The following RAD23B variants were observed in gnomAD, a reference collection of about 807,000 sequenced individuals.
RAD23B encodes lysine-specific demethylase RAD23B.
A neutral mutation model predicts 49.1 loss-of-function variants in RAD23B; 5 were observed. The observed-to-expected ratio is 0.10, with a 90% CI of 0.05 to 0.21. The LOEUF is 0.21. Among genes scored for constraint, RAD23B ranks in the 10% least tolerant of loss-of-function variants. The pLI, the probability that RAD23B is intolerant of heterozygous loss-of-function variation, is 1.00. For synonymous variants in RAD23B, 184 were observed against 165.4 expected (o/e 1.11, Z -0.86); for missense variants, 356 against 486.7 (o/e 0.73, Z 2.53).
chr9:107,285,052 C>T (rs897554899), intron 1 of RAD23B: 2 of 934,526 alleles, frequency 2.1e-6, no homozygotes, highest in African/African-American at 1.8e-5. Context: ...AAGAAACAGC[C>T]TTTTTGGGAT....
At chr9:107,308,913 T>G (rs558154226) in intron 4 of RAD23B, among the ~76,000 whole-genome samples, 2 of 152,350 alleles carry the variant, frequency 1.3e-5, no homozygotes, top group East Asian at 3.9e-4. Flanking sequence ...GAAGTCTGTT[T>G]AGGACCACTG....
At chr9:107,306,051 C>CTATA (rs770269253) in intron 3 of RAD23B, among the ~76,000 whole-genome samples, 16 of 49,786 alleles carry the variant, frequency 3.2e-4, no homozygotes, top group Admixed American at 2.5e-3. Flanking sequence ...CGGTTTATAT[C>CTATA]TATATATATA....
intron 1 of RAD23B, among the ~76,000 whole-genome samples, chr9:107,298,773 C>T (rs1012453793): frequency 6.6e-6 from 1 of 151,656 alleles, no homozygotes; most frequent in African/African-American, 2.4e-5. Context: ...GCCAAAACAA[C>T]AGTAACACCA....
intron 9 of RAD23B, among the ~76,000 whole-genome samples, chr9:107,327,048 AATC>A (rs758079731): frequency 2.3e-4 from 35 of 152,160 alleles, no homozygotes; most frequent in Non-Finnish European, 4.3e-4. Context: ...ATTTCCTTAT[AATC>A]ATTTTATTTC....
At chr9:107,324,147 A>C in intron 8 of RAD23B, 130 bp downstream of exon 8, 1 of 1,078,550 alleles carries the variant, frequency 9.3e-7, no homozygotes, top group South Asian at 1.6e-5. Context: ...TCCAAGCTAC[A>C]CTTAGATATT....
intron 1 of RAD23B, among the ~76,000 whole-genome samples, chr9:107,288,348 A>G (rs1833317266): frequency 6.6e-6 from 1 of 152,242 alleles, no homozygotes; most frequent in Non-Finnish European, 1.5e-5. Flanking sequence ...CTGTCAAAAA[A>G]TACATTTTAA....
intron 1 of RAD23B, among the ~76,000 whole-genome samples, chr9:107,298,248 T>A (rs755500556): frequency 6.6e-6 from 1 of 152,208 alleles, no homozygotes; most frequent in Non-Finnish European, 1.5e-5. Flanking sequence ...GTTTCAAGAC[T>A]TGTTTACATT....
chr9:107,300,590 A>G (rs569301867), intron 2 of RAD23B, among the ~76,000 whole-genome samples: 58 of 152,200 alleles, frequency 3.8e-4, no homozygotes, highest in African/African-American at 1.3e-3. Context: ...AACCAAAACT[A>G]ACTGAAGAGT....
At chr9:107,322,299 G>A (rs1827126335) in intron 7 of RAD23B, among the ~76,000 whole-genome samples, 181 bp downstream of exon 7, 1 of 152,208 alleles carries the variant, frequency 6.6e-6, no homozygotes, top group Non-Finnish European at 1.5e-5. Context: ...GATGTAAAAG[G>A]TATCCTTGCT....
At chr9:107,298,476 T>TA (rs1826580265) in intron 1 of RAD23B, among the ~76,000 whole-genome samples, 1 of 89,540 alleles carries the variant, frequency 1.1e-5, no homozygotes, top group Admixed American at 1.2e-4. Context: ...CTTGGCTAAT[T>TA]TTTTTTTTTT....
intron 4 of RAD23B, 130 bp from the exon 5 acceptor site, chr9:107,311,552 A>T (rs1826886741): frequency 1.5e-6 from 1 of 648,342 alleles, no homozygotes; most frequent in Non-Finnish European, 2.5e-6. Context: ...GACAGTTTAA[A>T]TACTGTAGTC....
Position 107,325,725 on chromosome 9 carries a change from C to G in RAD23B, c.1116+721C>G, listed in dbSNP as rs116527264. ...TTTACTTCTTTTCCAATATGGATAC[C>G]TTTTATTTCTTTGTCTTATTTAACT... On this transcript the variant is annotated intron_variant, in intron 9 of 9. Transcript: ENST00000358015. Among the ~76,000 whole-genome samples, 214 of 152,168 alleles carry G rather than the reference C, an allele frequency of 1.4e-3. 1 individual carries two copies. Among genetic ancestry groups the G allele is most frequent in the African/African-American group, 4.8e-3 (200 of 41,526 alleles).
At position 107,322,025 on chromosome 9, in the gene RAD23B, C is replaced by T. The variant is rs759569833; in HGVS notation, c.724C>T (p.Pro242Ser). ...DRESQAVVDP[P>S]QAASTGAPQS... is the part of the protein sequence containing the mutation. ...AGAAAGTCAGGCTGTGGTTGACCCC[C>T]CTCAAGCAGCTAGTACTGGGGCTCC... Residue 242 changes from proline to serine, a missense_variant, in exon 7 of 10, where the codon CCT becomes TCT. Coordinates refer to ENST00000358015, the MANE Select transcript of RAD23B (RefSeq NM_002874.5). 6 of 1,613,274 alleles carry T rather than the reference C, an allele frequency of 3.7e-6. No homozygotes were observed. The highest frequency in any genetic ancestry group is 2.2e-5 in the South Asian group (2 of 90,918).
chr9:107,298,274 G>T (rs1443293824), intron 1 of RAD23B, among the ~76,000 whole-genome samples: 1 of 151,926 alleles, frequency 6.6e-6, no homozygotes, highest in Non-Finnish European at 1.5e-5. Flanking sequence ...AAGTTATTGA[G>T]GGCTCCAAAA....
Position 107,326,627 on chromosome 9 carries a change from C to CTTTTT in RAD23B, c.1116+1643_1116+1647dup, listed in dbSNP as rs796381629. Among the ~76,000 whole-genome samples the CTTTTT allele has an allele frequency of 1.7e-3, 118 of 67,568 alleles. 8 individuals carry two copies. The highest frequency in any genetic ancestry group is 2.6e-3 in the South Asian group (3 of 1,166). The allele number at this position is 67,568 out of a possible 152,430, so 44.3% of individuals were successfully genotyped here. A position where few individuals can be genotyped will look rare whatever the true frequency, so the allele number is the denominator to read the frequency against. On this transcript the variant is annotated intron_variant, in intron 9 of 9. Coordinates refer to ENST00000358015, the MANE Select transcript of RAD23B (RefSeq NM_002874.5). ...ACTTGTCTATTCAACTTTTGTATTT[C>CTTTTT]TTTTTTTTTTTTTTTTTTTTTTTTG...
chr9:107,314,850 G>A (rs1447785296), intron 5 of RAD23B, among the ~76,000 whole-genome samples: 1 of 152,134 alleles, frequency 6.6e-6, no homozygotes, highest in Non-Finnish European at 1.5e-5. Context: ...ATAAGATGGG[G>A]CATCTCATTG....
intron 5 of RAD23B, among the ~76,000 whole-genome samples, chr9:107,312,367 AG>A (rs1412117501): frequency 1.3e-5 from 2 of 151,994 alleles, no homozygotes; most frequent in African/African-American, 4.8e-5. Context: ...AATGGCAGGG[AG>A]GGAGAAAGCG....
intron 2 of RAD23B, 73 bp downstream of exon 2, chr9:107,300,295 A>G (rs1214201958): frequency 6.3e-6 from 9 of 1,434,534 alleles, no homozygotes; most frequent in Non-Finnish European, 8.3e-6. Context: ...TATCTTATAT[A>G]TTGTAGTATA....
At chr9:107,285,814 C>T (rs2133059741) in intron 1 of RAD23B, among the ~76,000 whole-genome samples, 1 of 152,216 alleles carries the variant, frequency 6.6e-6, no homozygotes, top group South Asian at 2.1e-4. Flanking sequence ...ATATATGGAA[C>T]GTTTGCATTT....
Sources: allele counts gnomAD v4.1 joint callset (sites outside exome capture counted in the v4.1 genomes callset), GRCh38; gene constraint gnomAD v4.1.1; transcripts MANE v1.5; gene names NCBI Gene and HGNC (gene_info 2026-07-23, HGNC 2026-07-21).